SV2C: variants seen among roughly 807,000 people sequenced by gnomAD.
The protein encoded by SV2C is synaptic vesicle glycoprotein 2C.
SV2C carries 49 observed loss-of-function variants against 79.7 expected under a neutral mutation model. The ratio of observed to expected loss-of-function variants is 0.61; its 90% confidence interval spans 0.49 to 0.78. SV2C has a LOEUF of 0.78. Ranked by LOEUF, SV2C falls within the 30% of genes least tolerant of loss-of-function variation. SV2C has a pLI of 0.00. For missense variants in SV2C, 833 were observed against 912.9 expected, an observed-to-expected ratio of 0.91 and a Z score of 1.13; for synonymous variants, 334 against 333.2, an observed-to-expected ratio of 1.00 and a Z score of -0.03.
chr5:76,322,890 A>T (rs764451887), intron 12 of SV2C, among the ~76,000 whole-genome samples: 6 of 152,234 alleles, frequency 3.9e-5, no homozygotes, highest in Non-Finnish European at 8.8e-5. Context: ...TTAACTCAAG[A>T]TGGATTAAAG....
At chr5:76,121,777 T>TA (rs1281779731) in intron 1 of SV2C, among the ~76,000 whole-genome samples, 3 of 151,888 alleles carry the variant, frequency 2.0e-5, no homozygotes, top group African/African-American at 2.4e-5. Flanking sequence ...TGTAGCCTTG[T>TA]AGTATAGTTT....
intron 2 of SV2C, among the ~76,000 whole-genome samples, chr5:76,184,381 A>C (rs1369623111): frequency 1.3e-5 from 2 of 152,214 alleles, no homozygotes; most frequent in African/African-American, 2.4e-5. Flanking sequence ...CTGTGGAATT[A>C]ATGATCACCT....
intron 4 of SV2C, among the ~76,000 whole-genome samples, chr5:76,228,514 G>A (rs1532697): frequency 1.1e-4 from 16 of 151,944 alleles, no homozygotes; most frequent in Non-Finnish European, 1.8e-4. Context: ...AACCCGTAAC[G>A]GAGCAGCTAG....
At chr5:75,975,388 A>T in the SV2C span, among the ~76,000 whole-genome samples, 2 of 152,208 alleles carry the variant, frequency 1.3e-5, no homozygotes, top group South Asian at 4.1e-4. Flanking sequence ...ACTTGGATAT[A>T]AATGACCACA....
the SV2C span, among the ~76,000 whole-genome samples, chr5:76,058,439 T>C: frequency 6.6e-6 from 1 of 152,122 alleles, no homozygotes; most frequent in Admixed American, 6.6e-5. Flanking sequence ...CTGACTTACA[T>C]CCCTGAAGCC....
chr5:76,193,806 G>T (rs544051306), intron 2 of SV2C, among the ~76,000 whole-genome samples: 1 of 152,144 alleles, frequency 6.6e-6, no homozygotes, highest in South Asian at 2.1e-4. Flanking sequence ...TGAATAATCT[G>T]TCTGAGCCTC....
the SV2C span, among the ~76,000 whole-genome samples, chr5:75,945,351 C>G: frequency 6.6e-6 from 1 of 151,840 alleles, no homozygotes; most frequent in African/African-American, 2.4e-5. Flanking sequence ...GAGTCTCACT[C>G]TGTCATCCAG....
At chr5:76,186,597 C>A (rs552708928) in intron 2 of SV2C, among the ~76,000 whole-genome samples, 2 of 152,298 alleles carry the variant, frequency 1.3e-5, no homozygotes, top group South Asian at 4.1e-4. Flanking sequence ...GAGGCTGAGG[C>A]AAGAGAATTG....
intron 12 of SV2C, among the ~76,000 whole-genome samples, chr5:76,349,167 T>C (rs759915495): frequency 4.4e-4 from 67 of 152,186 alleles, no homozygotes; most frequent in South Asian, 4.1e-4. Flanking sequence ...GTTGTTGAGT[T>C]AATGTAAAGT....
chr5:76,092,136 A>C (rs1401930205), intron 1 of SV2C, among the ~76,000 whole-genome samples: 1 of 152,218 alleles, frequency 6.6e-6, no homozygotes, highest in Non-Finnish European at 1.5e-5. Flanking sequence ...GGTACATTAC[A>C]GAGTTTGGAA....
chr5:76,116,913 G>A (rs1269671703), intron 1 of SV2C, among the ~76,000 whole-genome samples: 2 of 152,174 alleles, frequency 1.3e-5, no homozygotes, highest in Non-Finnish European at 2.9e-5. Flanking sequence ...CACTCTGGGT[G>A]CGCTTGCCAG....
At chr5:76,078,353 A>G in the SV2C span, among the ~76,000 whole-genome samples, 1 of 152,202 alleles carries the variant, frequency 6.6e-6, no homozygotes, top group Admixed American at 6.5e-5. Context: ...TTTTGCTAAC[A>G]GTGGACTTTG....
chr5:76,184,918 C>T (rs940471681), intron 2 of SV2C, among the ~76,000 whole-genome samples: 1 of 152,158 alleles, frequency 6.6e-6, no homozygotes, highest in Admixed American at 6.5e-5. Context: ...CCCAAAGGTC[C>T]AAGTCCAAAG....
At chr5:76,042,144 CCCTTGGGTCTG>C in the SV2C span, among the ~76,000 whole-genome samples, 1 of 152,312 alleles carries the variant, frequency 6.6e-6, no homozygotes, top group South Asian at 2.1e-4. Context: ...ACAAGTCAGT[CCCTTGGGTCTG>C]CCTCATTCAG....
At chr5:76,119,304 T>C (rs894668467) in intron 1 of SV2C, among the ~76,000 whole-genome samples, 2 of 152,202 alleles carry the variant, frequency 1.3e-5, no homozygotes, top group Admixed American at 1.3e-4. Context: ...CCCTGCACCC[T>C]ATTGCACATG....
the SV2C span, among the ~76,000 whole-genome samples, chr5:75,945,980 A>G: frequency 6.6e-6 from 1 of 152,106 alleles, no homozygotes; most frequent in Non-Finnish European, 1.5e-5. Flanking sequence ...GAAAAAAGAA[A>G]GATCTCAAAT....
At chr5:75,879,179 G>A in the SV2C span, among the ~76,000 whole-genome samples, 1 of 152,086 alleles carries the variant, frequency 6.6e-6, no homozygotes, top group African/African-American at 2.4e-5. Context: ...ATGAGATTTG[G>A]AGTGGACAAA....
At chr5:75,878,801 C>T in the SV2C span, among the ~76,000 whole-genome samples, 32,639 of 152,038 alleles carry the variant, frequency 0.21, 6,094 homozygotes, top group African/African-American at 0.51. Flanking sequence ...CCATTTGTAA[C>T]AGGCAATTTT....
chr5:76,001,006 T>TAA, the SV2C span, among the ~76,000 whole-genome samples: 1,177 of 136,846 alleles, frequency 8.6e-3, 21 homozygotes, highest in African/African-American at 0.029. Context: ...TCGGTACAAT[T>TAA]AAAAAAAAAA....
Sources: gnomAD v4.1 joint callset for allele counts (sites outside exome capture counted in the v4.1 genomes callset) on GRCh38, gnomAD v4.1.1 for gene constraint, MANE v1.5 for transcripts, NCBI Gene and HGNC (gene_info 2026-07-23, HGNC 2026-07-21) for gene names.